The following RELN variants were observed in gnomAD, a reference collection of about 807,000 sequenced individuals.
RELN encodes the protein reelin.
A neutral mutation model predicts 427.6 loss-of-function variants in RELN; 108 were observed. That is an observed-to-expected ratio of 0.25 (90% confidence interval 0.22 to 0.30). RELN has a LOEUF of 0.30. Among genes scored for constraint, RELN ranks in the 10% least tolerant of loss-of-function variants. RELN has a pLI of 1.00. For synonymous variants in RELN, 1,524 were observed against 1,513.4 expected (o/e 1.01, Z -0.16); for missense variants, 3,715 against 4,302.8 (o/e 0.86, Z 3.82).
chr7:103,624,316 C>T (rs1832280993), intron 20 of RELN, among the ~76,000 whole-genome samples: 1 of 152,208 alleles, frequency 6.6e-6, no homozygotes, highest in Non-Finnish European at 1.5e-5. Flanking sequence ...TAGCTTCCTA[C>T]TCTCTCGGGC....
At chr7:103,860,672 A>T (rs965466235) in intron 2 of RELN, among the ~76,000 whole-genome samples, 2 of 152,122 alleles carry the variant, frequency 1.3e-5, no homozygotes, top group Admixed American at 1.3e-4. Flanking sequence ...CGGCCTCCCA[A>T]AGTGCTGGGA....
At chr7:103,702,616 C>T (rs1834117356) in intron 8 of RELN, among the ~76,000 whole-genome samples, 1 of 152,118 alleles carries the variant, frequency 6.6e-6, no homozygotes, top group South Asian at 2.1e-4. Context: ...ATGAGGTTAA[C>T]TTTTTTATGC....
At chr7:103,652,927 C>T (rs1832953305) in intron 13 of RELN, among the ~76,000 whole-genome samples, 168 bp from the exon 14 acceptor site, 2 of 152,042 alleles carry the variant, frequency 1.3e-5, no homozygotes, top group African/African-American at 4.8e-5. Flanking sequence ...ATGCTATCCT[C>T]AAGGAGCATT....
intron 3 of RELN, among the ~76,000 whole-genome samples, chr7:103,780,766 T>C (rs1170166486): frequency 6.6e-6 from 1 of 152,308 alleles, no homozygotes; most frequent in Non-Finnish European, 1.5e-5. Context: ...TATTCCATGG[T>C]ATATATGTAT....
In RELN at chr7:103,488,149, C is replaced by CA. The variant is rs11324464; in HGVS notation, c.9763+1592dup. ...GGCAACAAGAGTGAAAACTCCGTCT[C>CA]AAAAAAAAAAAAGATATTCAGTAAT... On this transcript the variant is annotated intron_variant, in intron 60 of 64. Transcript: ENST00000428762. 3.3e-3 allele frequency among the ~76,000 whole-genome samples: 478 copies of CA among 142,742 alleles called. 2 individuals carry two copies. Among genetic ancestry groups the CA allele is most frequent in the Non-Finnish European group, 4.6e-3 (290 of 63,710 alleles). 93.6% of individuals were successfully genotyped at this position (142,742 alleles called of 152,430 possible). A position where few individuals can be genotyped will look rare whatever the true frequency, so the allele number is the denominator to read the frequency against.
chr7:103,951,115 G>C (rs926668543), intron 1 of RELN, among the ~76,000 whole-genome samples: 5 of 152,312 alleles, frequency 3.3e-5, no homozygotes, highest in Non-Finnish European at 7.3e-5. Flanking sequence ...ATTTTTAGTA[G>C]AGATGGGGTT....
intron 2 of RELN, among the ~76,000 whole-genome samples, chr7:103,897,786 A>C (rs1369558329): frequency 1.3e-5 from 2 of 152,032 alleles, no homozygotes; most frequent in Non-Finnish European, 2.9e-5. Context: ...CTTACGTAAC[A>C]AAATCCTAGT....
chr7:103,581,160 T>A (rs1275476518), intron 28 of RELN, among the ~76,000 whole-genome samples: 1 of 152,154 alleles, frequency 6.6e-6, no homozygotes, highest in African/African-American at 2.4e-5. Flanking sequence ...GGAACCACTA[T>A]CAGGGAACAG....
chr7:103,676,116 A>T (rs1833517645), intron 11 of RELN, among the ~76,000 whole-genome samples: 1 of 152,208 alleles, frequency 6.6e-6, no homozygotes, highest in African/African-American at 2.4e-5. Context: ...ATAGAATGGG[A>T]GAAAATTTTT....
At chr7:103,974,633 G>C (rs1584413494) in intron 1 of RELN, among the ~76,000 whole-genome samples, 1 of 152,202 alleles carries the variant, frequency 6.6e-6, no homozygotes, top group East Asian at 1.9e-4. Context: ...AGAATTCTCA[G>C]CTGCTGTTCC....
chr7:103,626,402 G>A lies in RELN; in HGVS notation c.2702+3538C>T, dbSNP rs148722092. On this transcript the variant is annotated intron_variant, in intron 20 of 64. Coordinates refer to ENST00000428762, the MANE Select transcript of RELN (RefSeq NM_005045.4). The surrounding 1 kb of genome is among the most constrained non-coding windows in gnomAD (Gnocchi z 4.4). ...GTCTTGCTCTGTCACCCAGGCTGGA[G>A]TGCATTGGCATGATCTCGGCTCACT... is the stretch of plus-strand genomic sequence containing the variant. Among the ~76,000 whole-genome samples the A allele has an allele frequency of 5.3e-5, 8 of 152,208 alleles. No homozygotes were observed. The East Asian group carries it at 1.5e-3, about 29-fold the overall frequency.
At chr7:103,946,473 C>T (rs1207083079) in intron 1 of RELN, among the ~76,000 whole-genome samples, 1 of 152,050 alleles carries the variant, frequency 6.6e-6, no homozygotes, top group Admixed American at 6.6e-5. Context: ...AAAATGGTAA[C>T]TAAGTAGTTC....
chr7:103,933,920 G>C (rs1795920923), intron 1 of RELN, among the ~76,000 whole-genome samples: 1 of 152,090 alleles, frequency 6.6e-6, no homozygotes, highest in Non-Finnish European at 1.5e-5. Context: ...GGGAGCAGAG[G>C]GTTCCTTCGC....
chr7:103,522,830 G>GACACACAGACACACACACACACAGACAC (rs1180787427), intron 47 of RELN, among the ~76,000 whole-genome samples: 3 of 4,018 alleles, frequency 7.5e-4, no homozygotes, highest in Admixed American at 3.0e-3. Flanking sequence ...ATCTCACACA[G>GACACACAGACACACACACACACAGACAC]ACACACAGAC....
At chr7:103,723,551 G>A (rs1790130488) in intron 7 of RELN, among the ~76,000 whole-genome samples, 1 of 152,146 alleles carries the variant, frequency 6.6e-6, no homozygotes, top group African/African-American at 2.4e-5. Context: ...CAGATCAATA[G>A]ATCGGGGACC....
intron 1 of RELN, among the ~76,000 whole-genome samples, chr7:103,924,987 CACAT>C (rs1462890400): frequency 0.12 from 1,257 of 10,746 alleles, 18 homozygotes; most frequent in East Asian, 0.21. Flanking sequence ...CATGCGCATA[CACAT>C]ACACACACAC....
chr7:103,929,939 C>T (rs991170933), intron 1 of RELN, among the ~76,000 whole-genome samples: 1 of 152,200 alleles, frequency 6.6e-6, no homozygotes, highest in African/African-American at 2.4e-5. Flanking sequence ...GTCACAAATA[C>T]ATTTTAGTCA....
intron 1 of RELN, among the ~76,000 whole-genome samples, chr7:103,948,558 A>AG (rs1796265831): frequency 6.6e-6 from 1 of 152,160 alleles, no homozygotes; most frequent in South Asian, 2.1e-4. Context: ...CTGCAGTCCC[A>AG]GCTACTCGGG....
Position 103,483,755 on chromosome 7 carries a change from A to T in RELN, c.10079T>A (p.Leu3360Gln). Residue 3360 changes from leucine to glutamine, a missense_variant, in exon 62 of 65, where the codon CTG (leucine) becomes CAG (glutamine). Coordinates refer to ENST00000428762, the MANE Select transcript of RELN (RefSeq NM_005045.4). Reference protein sequence around the residue: ...SGPHAVDKAVLLQYSVNNGIT... With the variant: ...SGPHAVDKAVQLQYSVNNGIT... Reference sequence around the variant, plus strand: ...CCCGTTGTTGACGCTGTATTGCAGCAGCACTGCCTTGTCCACAGCGTGGGG... The same window carrying T: ...CCCGTTGTTGACGCTGTATTGCAGCTGCACTGCCTTGTCCACAGCGTGGGG... 1.2e-6 allele frequency: 2 copies of T among 1,614,128 alleles called. No individual in the cohort carries two copies. Among genetic ancestry groups the T allele is most frequent in the Non-Finnish European group, 1.7e-6 (2 of 1,179,954 alleles).
Sources: allele counts gnomAD v4.1 joint callset (sites outside exome capture counted in the v4.1 genomes callset), GRCh38; gene constraint gnomAD v4.1.1; non-coding constraint Gnocchi (gnomAD v3.1); transcripts MANE v1.5; gene names NCBI Gene and HGNC (gene_info 2026-07-23, HGNC 2026-07-21).